Variants in DLG2 observed in about 807,000 individuals in gnomAD.
DLG2 encodes the protein disks large homolog 2.
Under a neutral mutation model 132.5 loss-of-function variants are expected in DLG2, and 45 were observed. The observed-to-expected ratio is 0.34, with a 90% confidence interval of 0.27 to 0.44. DLG2 has a LOEUF of 0.44. DLG2 is among the 20% of genes least tolerant of loss of function. The pLI is 1.00. For missense variants in DLG2, 1,045 were observed against 1,196.9 expected (o/e 0.87, Z 1.87); for synonymous variants, 424 against 419.6 (o/e 1.01, Z -0.13).
intron 7 of DLG2, among the ~76,000 whole-genome samples, chr11:84,504,879 A>G (rs2099234200): frequency 6.6e-6 from 1 of 152,126 alleles, no homozygotes; most frequent in Non-Finnish European, 1.5e-5. Context: ...CTATTTGCAA[A>G]TAAGTTCAAA....
chr11:83,963,169 G>A, intron 13 of DLG2, 146 bp from the exon 14 acceptor site: 1 of 786,384 alleles, frequency 1.3e-6, no homozygotes, highest in Non-Finnish European at 2.0e-6. Flanking sequence ...GGGAGTTGCA[G>A]CTTATTTGCA....
rs115937720 is a variant in DLG2, at chr11:84,987,598, A to T, written c.357+124063T>A. Among the ~76,000 whole-genome samples, 308 of 152,234 alleles carry T rather than the reference A, an allele frequency of 2.0e-3. 1 individual carries two copies. The highest frequency in any genetic ancestry group is 7.3e-3 in the African/African-American group (302 of 41,550). On this transcript the variant is annotated intron_variant, in intron 6 of 27. Transcript: ENST00000376104. Reference sequence around the variant, plus strand: ...ATAGACGAATGGAACAGAATACAGAACTCAAAAATAAACTCAAATACTTAC... The same window carrying T: ...ATAGACGAATGGAACAGAATACAGATCTCAAAAATAAACTCAAATACTTAC...
In DLG2 at chr11:84,107,969, A is replaced by G. The variant is rs1373921790; in HGVS notation, c.625-8922T>C. The stretch of plus-strand genomic sequence containing the variant: ...CGTGTTATGGGATTTTCTCCCACAG[A>G]GCTTAGTAATCTTGAACAGTGAAAG... On this transcript the variant is annotated intron_variant, in intron 9 of 27. Transcript: ENST00000376104. Among the ~76,000 whole-genome samples the G allele has an allele frequency of 2.0e-5, 3 of 152,252 alleles. No homozygotes were observed. In the East Asian group the frequency reaches 5.8e-4, roughly 29 times the overall value.
At chr11:84,279,587 A>G (rs1199013579) in intron 7 of DLG2, among the ~76,000 whole-genome samples, 1 of 152,242 alleles carries the variant, frequency 6.6e-6, no homozygotes, top group Non-Finnish European at 1.5e-5. Flanking sequence ...GACTGGATAA[A>G]GAAAATGTGG....
chr11:85,158,235 A>G (rs1369896223), intron 4 of DLG2, among the ~76,000 whole-genome samples: 1 of 152,212 alleles, frequency 6.6e-6, no homozygotes, highest in Non-Finnish European at 1.5e-5. Context: ...TGGAAGGAAC[A>G]TAGAACTGGA....
intron 6 of DLG2, among the ~76,000 whole-genome samples, chr11:84,849,057 G>A (rs2081864281): frequency 6.6e-6 from 1 of 152,150 alleles, no homozygotes; most frequent in Non-Finnish European, 1.5e-5. Flanking sequence ...CTTAGCTGGA[G>A]AGCCTACCTG....
At chr11:85,015,673 T>TA (rs2059512836) in intron 6 of DLG2, among the ~76,000 whole-genome samples, 1 of 152,128 alleles carries the variant, frequency 6.6e-6, no homozygotes, top group Non-Finnish European at 1.5e-5. Context: ...CTCTATGAAC[T>TA]TTCCCAAATA....
intron 7 of DLG2, among the ~76,000 whole-genome samples, chr11:84,350,470 G>A (rs918545517): frequency 6.6e-6 from 1 of 152,080 alleles, no homozygotes; most frequent in Non-Finnish European, 1.5e-5. Context: ...TACCTAGGAG[G>A]ACATATTGAG....
At chr11:84,412,947 T>C (rs888506741) in intron 7 of DLG2, among the ~76,000 whole-genome samples, 3 of 152,228 alleles carry the variant, frequency 2.0e-5, no homozygotes, top group African/African-American at 7.2e-5. Context: ...CTTTTATTCA[T>C]CTTGGTAACA....
intron 6 of DLG2, among the ~76,000 whole-genome samples, chr11:85,057,412 G>A (rs900907760): frequency 1.3e-5 from 2 of 151,412 alleles, no homozygotes; most frequent in Admixed American, 6.6e-5. Context: ...GCCAATTAAA[G>A]CTAAAAATTT....
intron 7 of DLG2, among the ~76,000 whole-genome samples, chr11:84,350,183 C>CAA (rs2098557327): frequency 7.3e-6 from 1 of 136,694 alleles, no homozygotes; most frequent in African/African-American, 3.0e-5. Flanking sequence ...GTCCCCCCCC[C>CAA]CAAAAAAAAA....
intron 6 of DLG2, among the ~76,000 whole-genome samples, chr11:84,935,559 C>T (rs2048639727): frequency 6.6e-6 from 1 of 152,302 alleles, no homozygotes; most frequent in Non-Finnish European, 1.5e-5. Flanking sequence ...AGGTCTGGAA[C>T]AGTGGCTGTC....
chr11:84,225,983 G>A (rs2096986727), intron 8 of DLG2, among the ~76,000 whole-genome samples: 1 of 152,028 alleles, frequency 6.6e-6, no homozygotes, highest in Non-Finnish European at 1.5e-5. Flanking sequence ...GCTAATTTTT[G>A]TATTTTTAGT....
At chr11:84,556,919 C>T (rs1410311185) in intron 6 of DLG2, among the ~76,000 whole-genome samples, 1 of 152,118 alleles carries the variant, frequency 6.6e-6, no homozygotes, top group South Asian at 2.1e-4. Flanking sequence ...ATGTAACAAA[C>T]TTCCTCATAA....
chr11:83,849,222 AT>A (rs2059207160), intron 16 of DLG2, among the ~76,000 whole-genome samples: 2 of 151,618 alleles, frequency 1.3e-5, no homozygotes, highest in Admixed American at 1.3e-4. Context: ...TAGTACTTAC[AT>A]TGTGGTTTTT....
At chr11:83,532,643 G>C in intron 21 of DLG2, 65 bp downstream of exon 21, 1 of 1,419,714 alleles carries the variant, frequency 7.0e-7, no homozygotes, top group Non-Finnish European at 9.9e-7. Context: ...AAGCCTAAAT[G>C]TGTTAATTAT....
intron 3 of DLG2, among the ~76,000 whole-genome samples, chr11:85,508,709 A>G (rs2093990604): frequency 6.6e-6 from 1 of 152,108 alleles, no homozygotes; most frequent in East Asian, 1.9e-4. Flanking sequence ...AAGTGTTAAC[A>G]GTAGAGGGTA....
chr11:84,080,202 C>T (rs1430549316), intron 10 of DLG2, among the ~76,000 whole-genome samples: 1 of 152,178 alleles, frequency 6.6e-6, no homozygotes, highest in Non-Finnish European at 1.5e-5. Context: ...TAAATAACAA[C>T]AGTTTGGGAG....
intron 8 of DLG2, among the ~76,000 whole-genome samples, chr11:84,212,558 A>T (rs2096770103): frequency 6.6e-6 from 1 of 152,222 alleles, no homozygotes; most frequent in Non-Finnish European, 1.5e-5. Flanking sequence ...AAACCTATTT[A>T]AAAACTAACA....
Sources: gnomAD v4.1 joint callset for allele counts (sites outside exome capture counted in the v4.1 genomes callset) on GRCh38, gnomAD v4.1.1 for gene constraint, MANE v1.5 for transcripts, NCBI Gene and HGNC (gene_info 2026-07-23, HGNC 2026-07-21) for gene names.